Variants in IGF1R observed in about 807,000 individuals in gnomAD.
IGF1R encodes insulin like growth factor 1 receptor.
In IGF1R, 44 loss-of-function variants were observed where a neutral mutation model predicts 144.6. That is an observed-to-expected ratio of 0.30 (90% confidence interval 0.24 to 0.39). IGF1R has a LOEUF of 0.39. IGF1R is among the 10% of genes least tolerant of loss of function. The pLI is 1.00. For missense variants in IGF1R, 1,355 were observed against 1,833.7 expected, an observed-to-expected ratio of 0.74 and a Z score of 4.77; for synonymous variants, 795 against 722.8, an observed-to-expected ratio of 1.10 and a Z score of -1.60.
chr15:98,871,514 G>A (rs1031287446), intron 2 of IGF1R, among the ~76,000 whole-genome samples: 11 of 152,206 alleles, frequency 7.2e-5, no homozygotes, highest in African/African-American at 2.4e-4. Context: ...TAATCTGGGT[G>A]TATTAGTCCA....
chr15:98,753,016 A>C lies in IGF1R; in HGVS notation c.640+44909A>C, dbSNP rs1250320920. Among the ~76,000 whole-genome samples the C allele has an allele frequency of 3.4e-5, 5 of 145,776 alleles. No individual in the cohort carries two copies. In the South Asian group the frequency reaches 8.8e-4, roughly 26 times the overall value. On this transcript the variant is annotated intron_variant, in intron 2 of 20. Transcript: ENST00000650285. ...AGTGACATGATCTTGGCTCACTGCA[A>C]CCTCCGCCTCCAGGGTTCAAGCGAT... is the stretch of plus-strand genomic sequence containing the variant.
intron 2 of IGF1R, among the ~76,000 whole-genome samples, chr15:98,870,566 C>T (rs1246011451): frequency 1.3e-5 from 2 of 152,114 alleles, no homozygotes; most frequent in Non-Finnish European, 2.9e-5. Context: ...AGAAAACAGC[C>T]AGTGTGGTTG....
chr15:98,749,256 TTGTTG>T (rs2054946015), intron 2 of IGF1R, among the ~76,000 whole-genome samples: 1 of 152,184 alleles, frequency 6.6e-6, no homozygotes, highest in Non-Finnish European at 1.5e-5. Context: ...TGTGCTTACC[TTGTTG>T]TTAGACAGCC....
chr15:98,740,437 CCAAA>C (rs1180139185), intron 2 of IGF1R, among the ~76,000 whole-genome samples: 1 of 152,110 alleles, frequency 6.6e-6, no homozygotes, highest in African/African-American at 2.4e-5. Flanking sequence ...AATAAGAAAC[CCAAA>C]CAGAGTCTTG....
At chr15:98,950,254 A>G (rs998372083) in intron 20 of IGF1R, among the ~76,000 whole-genome samples, 2 of 152,224 alleles carry the variant, frequency 1.3e-5, no homozygotes, top group Admixed American at 6.5e-5. Flanking sequence ...GATAATAGAT[A>G]GATATGAACC....
At position 98,958,463 on chromosome 15, in the gene IGF1R, C is replaced by G. The variant is rs1347113254; in HGVS notation, c.*1021C>G. On this transcript the variant is annotated 3_prime_UTR_variant, in exon 21 of 21. Transcript: ENST00000650285. Reference sequence around the variant, plus strand: ...GGGAAGGGGTTTCCAGGGACTCAGCCCCACTGTTGATGCAGGTTTGCAAGG... The same window carrying G: ...GGGAAGGGGTTTCCAGGGACTCAGCGCCACTGTTGATGCAGGTTTGCAAGG... 2 of 231,714 alleles carry G rather than the reference C, an allele frequency of 8.6e-6. No homozygotes were observed. Among genetic ancestry groups the G allele is most frequent in the Non-Finnish European group, 1.7e-5 (2 of 117,084 alleles). The allele number at this position is 231,714 out of a possible 1,614,324, so 14.4% of individuals were successfully genotyped here.
At chr15:98,740,128 C>T (rs779192365) in intron 2 of IGF1R, among the ~76,000 whole-genome samples, 2 of 152,178 alleles carry the variant, frequency 1.3e-5, no homozygotes, top group Admixed American at 6.5e-5. Context: ...TTATTTACTT[C>T]GGAAAATAAA....
At chr15:98,947,204 A>G (rs1408439637) in intron 19 of IGF1R, among the ~76,000 whole-genome samples, 1 of 152,212 alleles carries the variant, frequency 6.6e-6, no homozygotes, top group East Asian at 1.9e-4. Context: ...ATTAAAAAGG[A>G]CCTTGGGTTG....
At chr15:98,686,525 A>G (rs770972684) in intron 1 of IGF1R, among the ~76,000 whole-genome samples, 1 of 152,024 alleles carries the variant, frequency 6.6e-6, no homozygotes, top group Non-Finnish European at 1.5e-5. Context: ...AAGAATTCCA[A>G]TTTTTCCACA....
At chr15:98,717,320 G>T (rs1370716820) in intron 2 of IGF1R, among the ~76,000 whole-genome samples, 2 of 134,010 alleles carry the variant, frequency 1.5e-5, no homozygotes, top group Non-Finnish European at 3.1e-5. Context: ...TTGGTAAATG[G>T]TGGCAGCTGC....
chr15:98,938,275 G>A (rs117063060), intron 17 of IGF1R, among the ~76,000 whole-genome samples: 2 of 152,236 alleles, frequency 1.3e-5, no homozygotes, highest in Admixed American at 6.5e-5. Context: ...TGTGGGACCT[G>A]TCAGAGCCCT....
intron 2 of IGF1R, among the ~76,000 whole-genome samples, chr15:98,835,417 G>C (rs2057081814): frequency 6.6e-6 from 1 of 152,218 alleles, no homozygotes; most frequent in Admixed American, 6.5e-5. Flanking sequence ...GTTGAGGGAT[G>C]AAGAGGAGAG....
At chr15:98,772,477 A>AT (rs1360421199) in intron 2 of IGF1R, among the ~76,000 whole-genome samples, 3 of 20,300 alleles carry the variant, frequency 1.5e-4, no homozygotes, top group African/African-American at 6.2e-4. Flanking sequence ...TCACTTAAAA[A>AT]TTATTATTAT....
intron 8 of IGF1R, among the ~76,000 whole-genome samples, chr15:98,914,674 A>T (rs917743893): frequency 6.6e-6 from 1 of 152,216 alleles, no homozygotes; most frequent in African/African-American, 2.4e-5. Context: ...ATATCTGCTT[A>T]TTGTGACAGA....
At position 98,959,209 on chromosome 15, in the gene IGF1R, T is replaced by G. The variant is rs1015509367; in HGVS notation, c.*1767T>G. 12 of 233,464 alleles carry G rather than the reference T, an allele frequency of 5.1e-5. No individual in the cohort carries two copies. The highest frequency in any genetic ancestry group is 3.4e-5 in the Non-Finnish European group (4 of 117,988). 14.5% of individuals were successfully genotyped at this position (233,464 alleles called of 1,614,324 possible). A position where few individuals can be genotyped will look rare whatever the true frequency, so the allele number is the denominator to read the frequency against. On this transcript the variant is annotated 3_prime_UTR_variant, in exon 21 of 21. Coordinates refer to ENST00000650285, the MANE Select transcript of IGF1R (RefSeq NM_000875.5). ...TTGTGACACACATATATATATATTT[T>G]TTTAATTCTTGGGTACAACAGCAGT...
intron 2 of IGF1R, among the ~76,000 whole-genome samples, chr15:98,859,896 C>G (rs1391842613): frequency 6.6e-6 from 1 of 152,174 alleles, no homozygotes; most frequent in Non-Finnish European, 1.5e-5. Flanking sequence ...TTCTTGGTTT[C>G]ATGACCACAT....
At chr15:98,921,965 C>G (rs1247012626) in intron 10 of IGF1R, among the ~76,000 whole-genome samples, 183 bp from the exon 11 acceptor site, 1 of 152,122 alleles carries the variant, frequency 6.6e-6, no homozygotes, top group Non-Finnish European at 1.5e-5. Context: ...CTGACACTTG[C>G]AGAGTAGAGA....
At position 98,948,380 on chromosome 15, in the gene IGF1R, G is replaced by A. The variant is rs1048714484; in HGVS notation, c.3588-194G>A. On this transcript the variant is annotated intron_variant, in intron 19 of 20. Transcript: ENST00000650285. ...ACCACCGGGGCTGAATTTAGTTTACGGGGAACATTAGCAGCAACAGAGGGA... is the reference window on the plus strand; with the variant it reads ...ACCACCGGGGCTGAATTTAGTTTACAGGGAACATTAGCAGCAACAGAGGGA... Among the ~76,000 whole-genome samples the A allele has an allele frequency of 5.3e-5, 8 of 152,152 alleles. No homozygotes were observed. In the East Asian group the frequency reaches 1.5e-3, roughly 29 times the overall value.
At chr15:98,843,450 A>T (rs1248988773) in intron 2 of IGF1R, among the ~76,000 whole-genome samples, 1 of 152,206 alleles carries the variant, frequency 6.6e-6, no homozygotes, top group African/African-American at 2.4e-5. Flanking sequence ...TACTTCTCTT[A>T]TTGGTTTGTC....
Sources: gnomAD v4.1 joint callset for allele counts (sites outside exome capture counted in the v4.1 genomes callset) on GRCh38, gnomAD v4.1.1 for gene constraint, MANE v1.5 for transcripts, NCBI Gene and HGNC (gene_info 2026-07-23, HGNC 2026-07-21) for gene names.